Variants in EPM2A observed in about 807,000 individuals in gnomAD.
The protein encoded by EPM2A is EPM2A glucan phosphatase, laforin.
A neutral mutation model predicts 26.5 loss-of-function variants in EPM2A; 21 were observed. That is an observed-to-expected ratio of 0.79 (90% CI 0.56 to 1.14). The LOEUF is 1.14. EPM2A is among the 50% of genes most tolerant of loss of function. The pLI is 0.00. For synonymous variants in EPM2A, 217 were observed against 177.6 expected, an observed-to-expected ratio of 1.22 and a Z score of -1.76; for missense variants, 458 against 440.8, an observed-to-expected ratio of 1.04 and a Z score of -0.35.
intron 2 of EPM2A, among the ~76,000 whole-genome samples, chr6:145,618,107 G>A (rs1172753292): frequency 1.3e-5 from 2 of 152,152 alleles, no homozygotes; most frequent in African/African-American, 4.8e-5. Flanking sequence ...TTATAGTACA[G>A]CACATTAAGA....
At chr6:145,411,949 G>C (rs539945572) in intron 4 of EPM2A, among the ~76,000 whole-genome samples, 1 of 152,270 alleles carries the variant, frequency 6.6e-6, no homozygotes, top group Non-Finnish European at 1.5e-5. Context: ...ACTGGGTGTG[G>C]TGGCTCAAGC....
chr6:145,548,801 T>G (rs969856070), intron 2 of EPM2A, among the ~76,000 whole-genome samples: 1 of 152,090 alleles, frequency 6.6e-6, no homozygotes, highest in Non-Finnish European at 1.5e-5. Flanking sequence ...CTTGCTCTAC[T>G]CAATAAATCA....
rs544244094 is a variant in EPM2A at position 145,590,841 on chromosome 6, T to C, written c.340+44404A>G. 3.9e-5 allele frequency among the ~76,000 whole-genome samples: 6 copies of C among 152,176 alleles called. No homozygotes were observed. The South Asian group carries it at 1.2e-3, about 32-fold the overall frequency. ...CAAAAAATCATAATAATAACAGGCA[T>C]ACTAAAAGACAAATAAGAAAAAAAC... On this transcript the variant is annotated intron_variant, in intron 2 of 3. Transcript: ENST00000450221.
chr6:145,573,457 G>C (rs1362507842), intron 2 of EPM2A, among the ~76,000 whole-genome samples: 1 of 152,194 alleles, frequency 6.6e-6, no homozygotes, highest in Non-Finnish European at 1.5e-5. Flanking sequence ...TCACCACTTG[G>C]TTAAGCATAC....
chr6:145,479,753 A>G (rs889891462), intron 4 of EPM2A, among the ~76,000 whole-genome samples: 9 of 151,976 alleles, frequency 5.9e-5, no homozygotes, highest in African/African-American at 2.2e-4. Flanking sequence ...CCTGTTTTCA[A>G]TTCTTCTGGG....
rs902954731 is a variant in EPM2A at position 145,476,617 on chromosome 6, A to G, written c.555+25905T>C. Among the ~76,000 whole-genome samples, 7 of 152,066 alleles carry G rather than the reference A, an allele frequency of 4.6e-5. No homozygotes were observed. In the East Asian group the frequency reaches 9.6e-4, roughly 21 times the overall value. The stretch of plus-strand genomic sequence containing the variant: ...GCATAAAGCATCTTCTCTCACCACA[A>G]TGGAATAAAACTAGAAATTAATAGG... On this transcript the variant is annotated intron_variant, in intron 4 of 4. Coordinates refer to the EPM2A transcript ENST00000638717.
rs1434888707 is a variant in EPM2A, at chr6:145,467,949, G to GT, written c.555+34572dup. On this transcript the variant is annotated intron_variant, in intron 4 of 4. Transcript: ENST00000638717. ...CATTAAATTTTCCTTAGTTTTAATA[G>GT]TTTTTTTCAGTTTATTTTCTTGGGT... 3.3e-5 allele frequency among the ~76,000 whole-genome samples: 5 copies of GT among 151,754 alleles called. No individual in the cohort carries two copies. The East Asian group carries it at 5.8e-4, about 18-fold the overall frequency.
At chr6:145,449,648 T>A (rs1395946009) in intron 4 of EPM2A, among the ~76,000 whole-genome samples, 1 of 152,222 alleles carries the variant, frequency 6.6e-6, no homozygotes, top group Non-Finnish European at 1.5e-5. Flanking sequence ...AGCAGGTTTT[T>A]TCAGTTTGGT....
intron 2 of EPM2A, among the ~76,000 whole-genome samples, chr6:145,590,734 C>G (rs546061349): frequency 6.6e-6 from 1 of 152,042 alleles, no homozygotes; most frequent in Non-Finnish European, 1.5e-5. Flanking sequence ...TACATCCTAC[C>G]TCCTGGTCAG....
At chr6:145,617,950 A>C (rs76291058) in intron 2 of EPM2A, among the ~76,000 whole-genome samples, 1 of 152,162 alleles carries the variant, frequency 6.6e-6, no homozygotes, top group African/African-American at 2.4e-5. Flanking sequence ...CTCAAAAAAA[A>C]TTTTTTTAAT....
intron 2 of EPM2A, among the ~76,000 whole-genome samples, chr6:145,668,380 A>C (rs956417471): frequency 6.6e-6 from 1 of 152,192 alleles, no homozygotes; most frequent in Non-Finnish European, 1.5e-5. Context: ...CTTTTTAAAA[A>C]ATGGCATGAA....
chr6:145,397,251 C>A (rs1001038306), intron 4 of EPM2A, among the ~76,000 whole-genome samples: 1 of 151,832 alleles, frequency 6.6e-6, no homozygotes, highest in Non-Finnish European at 1.5e-5. Flanking sequence ...GGATAAATAG[C>A]GAGAACACGT....
chr6:145,629,375 A>T (rs1256708390), intron 3 of EPM2A: 1 of 152,262 alleles, frequency 6.6e-6, no homozygotes, highest in Non-Finnish European at 1.5e-5. Context: ...GTGAGATTAC[A>T]GCGAGGTGGG....
At chr6:145,502,300 ACT>A (rs778622268) in intron 3 of EPM2A, among the ~76,000 whole-genome samples, 17 of 152,056 alleles carry the variant, frequency 1.1e-4, no homozygotes, top group Non-Finnish European at 1.8e-4. Context: ...AAGCTTTTTG[ACT>A]CCCTCCCATG....
chr6:145,677,010 T>G (rs963093722), intron 2 of EPM2A, among the ~76,000 whole-genome samples: 1 of 152,168 alleles, frequency 6.6e-6, no homozygotes, highest in Admixed American at 6.6e-5. Context: ...ATATCCCTGA[T>G]GAACATCGAT....
chr6:145,618,155 G>T (rs1247923584), intron 2 of EPM2A, among the ~76,000 whole-genome samples: 1 of 152,080 alleles, frequency 6.6e-6, no homozygotes, highest in African/African-American at 2.4e-5. Context: ...GCACCCTTGA[G>T]GACTCATGAA....
intron 2 of EPM2A, among the ~76,000 whole-genome samples, chr6:145,646,313 C>T (rs954192235): frequency 1.3e-5 from 2 of 151,886 alleles, no homozygotes; most frequent in Admixed American, 1.3e-4. Flanking sequence ...CGTGCCACCA[C>T]GCTTGGCTAA....
At chr6:145,616,572 G>A (rs1775517642) in intron 2 of EPM2A, among the ~76,000 whole-genome samples, 2 of 152,200 alleles carry the variant, frequency 1.3e-5, no homozygotes, top group African/African-American at 2.4e-5. Flanking sequence ...TCCACTGACA[G>A]CTTGCACTGT....
At chr6:145,534,821 C>T (rs79764019) in intron 2 of EPM2A, among the ~76,000 whole-genome samples, 50 of 152,296 alleles carry the variant, frequency 3.3e-4, no homozygotes, top group African/African-American at 1.2e-3. Flanking sequence ...ATATCTGCAT[C>T]TGACTCTGAG....
Sources: allele counts gnomAD v4.1 joint callset (sites outside exome capture counted in the v4.1 genomes callset), GRCh38; gene constraint gnomAD v4.1.1; transcripts MANE v1.5; gene names NCBI Gene and HGNC (gene_info 2026-07-23, HGNC 2026-07-21).